The following GRID2 variants were observed in gnomAD, a reference collection of about 807,000 sequenced individuals.
GRID2 encodes the protein glutamate ionotropic receptor delta type subunit 2.
A neutral mutation model predicts 114.8 loss-of-function variants in GRID2; 33 were observed. The observed-to-expected ratio is 0.29, with a 90% CI of 0.22 to 0.38. GRID2 has a LOEUF of 0.38. Among genes scored for constraint, GRID2 ranks in the 10% least tolerant of loss-of-function variants. The probability of loss-of-function intolerance (pLI) is 1.00; values close to 1 mark genes in which losing one functional copy is unlikely to be tolerated. For synonymous variants in GRID2, 505 were observed against 449.9 expected (o/e 1.12, Z -1.55); for missense variants, 1,184 against 1,257.7 (o/e 0.94, Z 0.89).
intron 2 of GRID2, among the ~76,000 whole-genome samples, chr4:92,816,386 T>C (rs1045316650): frequency 6.6e-6 from 1 of 151,728 alleles, no homozygotes; most frequent in African/African-American, 2.4e-5. Flanking sequence ...ATGCCGAATG[T>C]ACTTTAACCC....
At chr4:93,094,375 T>C (rs2149332716) in intron 3 of GRID2, among the ~76,000 whole-genome samples, 1 of 152,204 alleles carries the variant, frequency 6.6e-6, no homozygotes, top group Admixed American at 6.6e-5. Context: ...ATACATTTTA[T>C]ATGCATATGG....
At chr4:93,130,264 A>C (rs914386773) in intron 4 of GRID2, among the ~76,000 whole-genome samples, 8 of 152,094 alleles carry the variant, frequency 5.3e-5, no homozygotes, top group African/African-American at 1.9e-4. Flanking sequence ...ACATGATGAG[A>C]TCCTGTCTCC....
At chr4:93,210,851 AC>A (rs1199849735) in intron 5 of GRID2, among the ~76,000 whole-genome samples, 3 of 151,980 alleles carry the variant, frequency 2.0e-5, no homozygotes, top group Non-Finnish European at 2.9e-5. Context: ...TTTCTAGATT[AC>A]TTTTTTTGAA....
At position 93,611,940 on chromosome 4, in the gene GRID2, G is replaced by A. The variant is rs1479555864; in HGVS notation, c.2194-14329G>A. Among the ~76,000 whole-genome samples, 4 of 148,368 alleles carry A rather than the reference G, an allele frequency of 2.7e-5. No homozygotes were observed. In the South Asian group the frequency reaches 6.5e-4, roughly 24 times the overall value. On this transcript the variant is annotated intron_variant, in intron 13 of 15. Transcript: ENST00000282020. ...TGTTAAAGTCTCCCATTATTAATGT[G>A]TGGGAGTCTAAGTCTCTTTGTAGGT...
chr4:93,792,840 A>G (rs1734720754), intron 1 of GRID2, among the ~76,000 whole-genome samples: 1 of 152,074 alleles, frequency 6.6e-6, no homozygotes, highest in Non-Finnish European at 1.5e-5. Flanking sequence ...GATGGAGGGG[A>G]GGAGAGGACG....
At chr4:93,680,332 C>T (rs1369015207) in intron 14 of GRID2, among the ~76,000 whole-genome samples, 2 of 151,782 alleles carry the variant, frequency 1.3e-5, no homozygotes, top group Non-Finnish European at 2.9e-5. Flanking sequence ...GATTCACAGC[C>T]GAATTCTACC....
rs111574929 is a variant in GRID2, at chr4:92,810,608, G to A, written c.244+220322G>A. ...CATTTGTAGATATACAAGGTTGTGT[G>A]TAAATCTGATTCATAGACAATCTTA... On this transcript the variant is annotated intron_variant, in intron 2 of 15. Transcript: ENST00000282020. 7.2e-5 allele frequency among the ~76,000 whole-genome samples: 11 copies of A among 152,178 alleles called. 1 individual carries two copies. The highest frequency in any genetic ancestry group is 2.6e-4 in the African/African-American group (11 of 41,550).
intron 14 of GRID2, among the ~76,000 whole-genome samples, chr4:93,661,787 C>A (rs1207239680): frequency 1.3e-5 from 2 of 152,076 alleles, no homozygotes; most frequent in Admixed American, 1.3e-4. Flanking sequence ...AATGGCAGCA[C>A]CCTTGCTTCC....
At chr4:93,433,305 C>G (rs927466285) in intron 10 of GRID2, among the ~76,000 whole-genome samples, 1 of 151,986 alleles carries the variant, frequency 6.6e-6, no homozygotes, top group African/African-American at 2.4e-5. Flanking sequence ...AACATTTAGC[C>G]AGGTCTCAAA....
intron 2 of GRID2, among the ~76,000 whole-genome samples, chr4:92,608,192 T>C (rs1729551676): frequency 1.3e-5 from 2 of 151,818 alleles, no homozygotes; most frequent in Non-Finnish European, 1.5e-5. Flanking sequence ...TCTCAAGATC[T>C]GTGTCCTATT....
At chr4:92,342,254 G>A (rs1032752127) in intron 1 of GRID2, among the ~76,000 whole-genome samples, 1 of 152,076 alleles carries the variant, frequency 6.6e-6, no homozygotes, top group African/African-American at 2.4e-5. Flanking sequence ...TTAACATCCA[G>A]TTGGAGAAAA....
intron 1 of GRID2, among the ~76,000 whole-genome samples, chr4:92,444,181 G>T (rs561735468): frequency 1.3e-5 from 2 of 152,226 alleles, no homozygotes; most frequent in Non-Finnish European, 2.9e-5. Context: ...GAGGTCCCCC[G>T]ATCCGAGTCA....
chr4:92,809,571 C>G (rs1196289972), intron 2 of GRID2, among the ~76,000 whole-genome samples: 1 of 151,904 alleles, frequency 6.6e-6, no homozygotes, highest in Non-Finnish European at 1.5e-5. Context: ...GTCTTCTGTT[C>G]TAAATTGCAA....
chr4:93,619,919 T>C (rs1194399353), intron 13 of GRID2, among the ~76,000 whole-genome samples: 1 of 152,240 alleles, frequency 6.6e-6, no homozygotes, highest in African/African-American at 2.4e-5. Context: ...AGGCAAAGGC[T>C]ATTCTATGTC....
intron 13 of GRID2, among the ~76,000 whole-genome samples, chr4:93,521,925 G>T (rs555351568): frequency 2.0e-5 from 3 of 152,294 alleles, no homozygotes; most frequent in South Asian, 2.1e-4. Flanking sequence ...GCTGAGTAAT[G>T]AGAGGAGTTT....
intron 2 of GRID2, among the ~76,000 whole-genome samples, chr4:92,871,860 A>C (rs1472287167): frequency 2.6e-5 from 4 of 152,164 alleles, no homozygotes; most frequent in African/African-American, 4.8e-5. Flanking sequence ...AATTTAAATG[A>C]AAATGTTTTT....
intron 2 of GRID2, among the ~76,000 whole-genome samples, chr4:92,848,649 A>T (rs2149419481): frequency 6.6e-6 from 1 of 152,060 alleles, no homozygotes. Flanking sequence ...AACTAGATTG[A>T]TGAGTCTACA....
intron 14 of GRID2, among the ~76,000 whole-genome samples, chr4:93,748,480 T>C (rs1732037264): frequency 6.6e-6 from 1 of 152,204 alleles, no homozygotes; most frequent in Non-Finnish European, 1.5e-5. Flanking sequence ...CTCAGACGAC[T>C]CCTTGGAGAG....
chr4:93,306,702 A>G (rs1394294128), intron 8 of GRID2, among the ~76,000 whole-genome samples: 1 of 152,214 alleles, frequency 6.6e-6, no homozygotes, highest in Non-Finnish European at 1.5e-5. Flanking sequence ...GAAGCAGATT[A>G]ATTGATGCAT....
Sources: gnomAD v4.1 joint callset for allele counts (sites outside exome capture counted in the v4.1 genomes callset) on GRCh38, gnomAD v4.1.1 for gene constraint, MANE v1.5 for transcripts, NCBI Gene and HGNC (gene_info 2026-07-23, HGNC 2026-07-21) for gene names.